Variants in PDE1A observed in about 807,000 individuals in gnomAD.
PDE1A encodes dual specificity calcium/calmodulin-dependent 3',5'-cyclic nucleotide phosphodiesterase 1A.
PDE1A carries 35 observed loss-of-function variants against 61.7 expected under a neutral mutation model. The observed-to-expected ratio is 0.57, with a 90% CI of 0.43 to 0.75. The LOEUF (loss-of-function observed/expected upper bound fraction) is 0.75. Among genes scored for constraint, PDE1A ranks in the 30% least tolerant of loss-of-function variants. PDE1A has a pLI of 0.00. For missense variants in PDE1A, 597 were observed against 630.6 expected (o/e 0.95, Z 0.57); for synonymous variants, 232 against 213.2 (o/e 1.09, Z -0.77).
intron 1 of PDE1A, among the ~76,000 whole-genome samples, chr2:182,357,800 TTTAAA>T (rs1245620150): frequency 3.9e-5 from 6 of 152,354 alleles, no homozygotes; most frequent in Middle Eastern, 6.8e-3. Flanking sequence ...TTGATTTTAA[TTTAAA>T]TTGCTCCATA....
intron 8 of PDE1A, among the ~76,000 whole-genome samples, chr2:182,203,377 C>A (rs982530364): frequency 4.6e-5 from 7 of 152,050 alleles, no homozygotes; most frequent in Non-Finnish European, 8.8e-5. Context: ...CATGAGCACT[C>A]AACATTTCTA....
chr2:182,180,676 G>A (rs1460222186), intron 13 of PDE1A, among the ~76,000 whole-genome samples: 1 of 151,884 alleles, frequency 6.6e-6, no homozygotes, highest in African/African-American at 2.4e-5. Context: ...ATCCTGAAGT[G>A]TGTTTTCCAA....
chr2:182,648,759 TAA>T, the PDE1A span, among the ~76,000 whole-genome samples: 2 of 151,408 alleles, frequency 1.3e-5, no homozygotes, highest in African/African-American at 4.8e-5. Context: ...GCAATTAATT[TAA>T]ATAAACACCA....
At chr2:182,493,390 G>A (rs568855299) in intron 2 of PDE1A, among the ~76,000 whole-genome samples, 9 of 151,986 alleles carry the variant, frequency 5.9e-5, no homozygotes, top group South Asian at 2.1e-4. Flanking sequence ...CCATTAACTC[G>A]TCATTTACAT....
chr2:182,189,419 GTTAAT>G (rs1435462002), intron 10 of PDE1A, among the ~76,000 whole-genome samples: 2 of 152,118 alleles, frequency 1.3e-5, no homozygotes, highest in African/African-American at 4.8e-5. Flanking sequence ...AACAATCCAA[GTTAAT>G]TTATTTATGC....
the PDE1A span, among the ~76,000 whole-genome samples, chr2:182,705,504 C>CT: frequency 0.019 from 2,897 of 150,200 alleles, 51 homozygotes; most frequent in East Asian, 0.079. Context: ...AGGGCTAAGT[C>CT]TTTTTTTTTT....
chr2:182,168,065 G>A (rs1048981056), exon 14 of PDE1A: 16 of 1,286,762 alleles, frequency 1.2e-5, no homozygotes, highest in Admixed American at 1.1e-4. Flanking sequence ...AGTTGAGCCC[G>A]GTGAATTAAG....
intron 2 of PDE1A, among the ~76,000 whole-genome samples, chr2:182,503,070 CACAT>C (rs1195868445): frequency 0.042 from 868 of 20,564 alleles, 11 homozygotes; most frequent in East Asian, 0.16. Context: ...CACACACACA[CACAT>C]ACACACACAC....
the PDE1A span, among the ~76,000 whole-genome samples, chr2:182,640,955 G>A: frequency 7.3e-6 from 1 of 137,366 alleles, no homozygotes; most frequent in East Asian, 2.2e-4. Flanking sequence ...GGTAGGTGGA[G>A]GTTGCAGTGA....
At chr2:182,196,202 T>C (rs1002370751) in intron 10 of PDE1A, among the ~76,000 whole-genome samples, 1 of 152,038 alleles carries the variant, frequency 6.6e-6, no homozygotes, top group Non-Finnish European at 1.5e-5. Flanking sequence ...TTGCTGCATA[T>C]GTTTCTGAAG....
Position 182,152,164 on chromosome 2 carries a change from T to C in PDE1A, c.1517-5012A>G, listed in dbSNP as rs141534331. 4.3e-4 allele frequency among the ~76,000 whole-genome samples: 65 copies of C among 152,340 alleles called. 1 individual carries two copies. The East Asian group carries it at 0.012, about 29-fold the overall frequency. On this transcript the variant is annotated intron_variant, in intron 13 of 13. Coordinates refer to the PDE1A transcript ENST00000409365. ...CTTTGCTATGTATAATAGTATTTCCTTAGGCATATCTCTAGGTTGCTTCAG... is the reference window on the plus strand; with the variant it reads ...CTTTGCTATGTATAATAGTATTTCCCTAGGCATATCTCTAGGTTGCTTCAG...
At chr2:182,318,613 GC>G (rs1373592395) in intron 1 of PDE1A, among the ~76,000 whole-genome samples, 2 of 152,198 alleles carry the variant, frequency 1.3e-5, no homozygotes, top group African/African-American at 4.8e-5. Flanking sequence ...TCATCTTGAG[GC>G]CCATATGACA....
At chr2:182,434,104 C>T (rs1215435780) in intron 2 of PDE1A, among the ~76,000 whole-genome samples, 1 of 151,994 alleles carries the variant, frequency 6.6e-6, no homozygotes, top group Admixed American at 6.6e-5. Context: ...CTGCAGGATA[C>T]AATAACTGAG....
chr2:182,424,918 G>A (rs1703513217), intron 1 of PDE1A, among the ~76,000 whole-genome samples: 1 of 152,198 alleles, frequency 6.6e-6, no homozygotes, highest in African/African-American at 2.4e-5. Flanking sequence ...CCAGGATCAT[G>A]AAGCAAATCA....
At chr2:182,614,251 C>T in the PDE1A span, among the ~76,000 whole-genome samples, 3 of 152,206 alleles carry the variant, frequency 2.0e-5, no homozygotes, top group Admixed American at 6.5e-5. Context: ...ATTACTGAGA[C>T]GCTAAGAACA....
At chr2:182,633,905 G>A in the PDE1A span, among the ~76,000 whole-genome samples, 2 of 151,920 alleles carry the variant, frequency 1.3e-5, no homozygotes, top group African/African-American at 4.8e-5. Flanking sequence ...CCAACATGGC[G>A]AAACCCTGCT....
intron 1 of PDE1A, among the ~76,000 whole-genome samples, chr2:182,393,419 A>T (rs1397961379): frequency 6.6e-6 from 1 of 151,308 alleles, no homozygotes; most frequent in African/African-American, 2.4e-5. Flanking sequence ...TAGGCCTGTG[A>T]TGGGGGCACT....
intron 13 of PDE1A, among the ~76,000 whole-genome samples, chr2:182,174,233 C>T (rs1692515533): frequency 6.6e-6 from 1 of 152,022 alleles, no homozygotes; most frequent in Non-Finnish European, 1.5e-5. Context: ...ACTGAAAAAG[C>T]CTCTCTAAGT....
rs1161234010 is a variant in PDE1A at position 182,152,401 on chromosome 2, AT to A, written c.1517-5250del. On this transcript the variant is annotated intron_variant, in intron 13 of 13. Transcript: ENST00000409365. ...TAATACCAGGGGAAATACTTTCCCT[AT>A]TTTTTTCCTCTTTTTTTTTTTTTTT... Among the ~76,000 whole-genome samples the A allele has an allele frequency of 8.1e-4, 94 of 116,534 alleles. 1 individual carries two copies. Among genetic ancestry groups the A allele is most frequent in the African/African-American group, 2.8e-3 (88 of 31,076 alleles). 76.5% of individuals were successfully genotyped at this position (116,534 alleles called of 152,430 possible).
Sources: gnomAD v4.1 joint callset for allele counts (sites outside exome capture counted in the v4.1 genomes callset) on GRCh38, gnomAD v4.1.1 for gene constraint, MANE v1.5 for transcripts, NCBI Gene and HGNC (gene_info 2026-07-23, HGNC 2026-07-21) for gene names.